FSIP2: variants seen among roughly 807,000 people sequenced by gnomAD.
FSIP2 encodes the protein fibrous sheath-interacting protein 2.
Under a neutral mutation model 510.5 loss-of-function variants are expected in FSIP2, and 367 were observed. The ratio of observed to expected loss-of-function variants is 0.72; its 90% CI spans 0.66 to 0.78. FSIP2 has a LOEUF of 0.78. Among genes scored for constraint, FSIP2 ranks in the 30% least tolerant of loss-of-function variants. FSIP2 has a pLI of 0.00. For missense variants in FSIP2, 7,594 were observed against 7,901.7 expected, an observed-to-expected ratio of 0.96 and a Z score of 1.48; for synonymous variants, 2,601 against 2,732.2, an observed-to-expected ratio of 0.95 and a Z score of 1.50.
chr2:185,769,140 G>T (rs1559017670), intron 13 of FSIP2, among the ~76,000 whole-genome samples: 1 of 152,018 alleles, frequency 6.6e-6, no homozygotes, highest in Admixed American at 6.6e-5. Context: ...GGTTCCTTTG[G>T]GTATATAGCC....
At chr2:185,738,744 GC>G, upstream of FSIP2, 1 of 1,536,024 alleles carries the variant, frequency 6.5e-7, no homozygotes, top group Non-Finnish European at 8.7e-7. Flanking sequence ...CCCTTCTGGG[GC>G]CGCTACCATT....
intron 12 of FSIP2, among the ~76,000 whole-genome samples, chr2:185,763,823 G>T (rs530313441): frequency 6.6e-6 from 1 of 151,618 alleles, no homozygotes; most frequent in South Asian, 2.1e-4. Context: ...AGAGTAGAAA[G>T]TGGCATCATT....
intron 2 of FSIP2, among the ~76,000 whole-genome samples, chr2:185,740,960 A>AT (rs397869719): frequency 1.3e-5 from 2 of 152,004 alleles, no homozygotes; most frequent in Non-Finnish European, 2.9e-5. Context: ...TCTGAAAAAA[A>AT]GTATAATTGC....
At position 185,790,763 on chromosome 2, in the gene FSIP2, C is replaced by T; in HGVS notation, c.3627C>T (p.His1209=). 37 of 1,532,088 alleles carry T rather than the reference C, an allele frequency of 2.4e-5. No individual in the cohort carries two copies. The highest frequency in any genetic ancestry group is 3.2e-5 in the Non-Finnish European group (37 of 1,144,220). The allele number at this position is 1,532,088 out of a possible 1,614,324, so 94.9% of individuals were successfully genotyped here. A position where few individuals can be genotyped will look rare whatever the true frequency, so the allele number is the denominator to read the frequency against. The part of the protein sequence containing the change: ...QISLHNSDTE[H]IVKEAPNKYP... ...CCTTACATAATTCTGACACTGAACACATAGTCAAAGAAGCACCAAATAAAT... is the reference window on the plus strand; with the variant it reads ...CCTTACATAATTCTGACACTGAACATATAGTCAAAGAAGCACCAAATAAAT... Residue 1209 remains histidine (H), a synonymous_variant, in exon 16 of 23, where the codon CAC becomes CAT. Coordinates refer to ENST00000424728, the MANE Select transcript of FSIP2 (RefSeq NM_173651.4).
At chr2:185,764,023 A>AT (rs1305807017) in intron 12 of FSIP2, among the ~76,000 whole-genome samples, 1 of 151,594 alleles carries the variant, frequency 6.6e-6, no homozygotes, top group African/African-American at 2.4e-5. Flanking sequence ...ATAAAAAAAA[A>AT]TTTTTTAACA....
chr2:185,779,646 AAGGTTTTAT>A (rs1308523435), intron 13 of FSIP2, among the ~76,000 whole-genome samples: 15 of 152,110 alleles, frequency 9.9e-5, no homozygotes, highest in Non-Finnish European at 1.8e-4. Context: ...TGACATTTTA[AAGGTTTTAT>A]CAGTCAAATT....
intron 15 of FSIP2, chr2:185,788,215 T>C (rs1693033787): frequency 6.5e-6 from 1 of 152,852 alleles, no homozygotes; most frequent in Admixed American, 6.6e-5. Flanking sequence ...TGGATCTGTC[T>C]TGAGAAATGT....
At chr2:185,757,888 T>C (rs1409507610) in intron 9 of FSIP2, among the ~76,000 whole-genome samples, 1 of 151,280 alleles carries the variant, frequency 6.6e-6, no homozygotes, top group Non-Finnish European at 1.5e-5. Context: ...ATCACAATCA[T>C]ATGTAGAACA....
intron 20 of FSIP2, among the ~76,000 whole-genome samples, chr2:185,827,911 T>C (rs1333549413): frequency 6.6e-6 from 1 of 151,844 alleles, no homozygotes; most frequent in Non-Finnish European, 1.5e-5. Flanking sequence ...TCCCACTATG[T>C]TACATTTCAT....
rs745998129 is a variant in FSIP2, at chr2:185,807,204, T to C, written c.17898T>C (p.Phe5966=). The C allele has an allele frequency of 6.2e-7, 1 of 1,602,876 alleles. No homozygotes were observed. The highest frequency in any genetic ancestry group is 1.7e-5 in the Admixed American group (1 of 57,372). The change falls in exon 17 of 23, where the codon TTT becomes TTC. Residue 5966 remains phenylalanine (F), a synonymous_variant. Coordinates refer to ENST00000424728, the MANE Select transcript of FSIP2 (RefSeq NM_173651.4). ...TCCAACGTCAGGTTAACTTGATATT[T>C]TGTGATGAGGTTTCAGTTTCAGCAT... ...EIFQRQVNLI[F]CDEVSVSACL...
rs1007559210 is a variant in FSIP2, at chr2:185,777,042, C to A, written c.1412-5663C>A. Among the ~76,000 whole-genome samples the A allele has an allele frequency of 2.6e-5, 4 of 152,106 alleles. No homozygotes were observed. The East Asian group carries it at 5.8e-4, about 22-fold the overall frequency. On this transcript the variant is annotated intron_variant, in intron 13 of 22. Transcript: ENST00000424728. ...CCTGGCCAGGATGCAAGATTCTAATCCACATGTTGGCCAGGCATATGGTCT... is the reference window on the plus strand; with the variant it reads ...CCTGGCCAGGATGCAAGATTCTAATACACATGTTGGCCAGGCATATGGTCT...
In FSIP2 at chr2:185,796,768, G is replaced by A. The variant is rs1464576019; in HGVS notation, c.9632G>A (p.Arg3211Lys). The A allele has an allele frequency of 2.0e-6, 3 of 1,535,080 alleles. No homozygotes were observed. In the Admixed American group the frequency reaches 5.9e-5, roughly 30 times the overall value. ...TCATCAGATTTACCCACCTCTGTCA[G>A]ATCCTCTGTAGAAGACACAGTTAAA... ...RVSSDLPTSV[R>K]SSVEDTVKNS... The change falls in exon 16 of 23, where the codon AGA becomes AAA. Residue 3211 changes from arginine to lysine, a missense_variant. By Grantham distance (26) the Arg-to-Lys change is conservative. Transcript: ENST00000424728.
chr2:185,743,811 G>A (rs72898020), intron 3 of FSIP2, among the ~76,000 whole-genome samples: 2,140 of 152,190 alleles, frequency 0.014, 30 homozygotes, highest in Non-Finnish European at 0.024. Context: ...CTCCTTTTAT[G>A]ATATAAGTAA....
At position 185,803,689 on chromosome 2, in the gene FSIP2, G is replaced by GA. The variant is rs1324641440; in HGVS notation, c.14389dup (p.Ile4797AsnfsTer23). The GA allele has an allele frequency of 2.0e-6, 3 of 1,531,744 alleles. No homozygotes were observed. The highest frequency in any genetic ancestry group is 1.4e-5 in the African/African-American group (1 of 72,720). The allele number at this position is 1,531,744 out of a possible 1,614,324, so 94.9% of individuals were successfully genotyped here. The stretch of plus-strand genomic sequence containing the variant: ...CACTATGTTATCACATAGTCATTTG[G>GA]AAAAAATAGTTACTCAGCTTACATC... On this transcript the variant is annotated frameshift_variant, in exon 17 of 23. Coordinates refer to ENST00000424728, the MANE Select transcript of FSIP2 (RefSeq NM_173651.4). LOFTEE classifies it high-confidence loss of function.
At position 185,797,508 on chromosome 2, in the gene FSIP2, A is replaced by C. The variant is rs1173645599; in HGVS notation, c.10372A>C (p.Lys3458Gln). ...HVTTSVVTYL[K>Q]NFETTVFSEE... is the part of the protein sequence containing the mutation. ...CACCACATCTGTGGTCACATATTTG[A>C]AGAACTTTGAAACTACAGGTAAGCA... The change falls in exon 16 of 23, where the codon AAG (lysine) becomes CAG (glutamine). Residue 3458 changes from lysine to glutamine, a missense_variant. By Grantham distance (53) the Lys-to-Gln change is moderately conservative. Transcript: ENST00000424728. 5 of 1,498,120 alleles carry C rather than the reference A, an allele frequency of 3.3e-6. No individual in the cohort carries two copies. In the African/African-American group the frequency reaches 7.1e-5, roughly 21 times the overall value. 92.8% of individuals were successfully genotyped at this position (1,498,120 alleles called of 1,614,324 possible).
chr2:185,753,940 T>C, intron 8 of FSIP2, 98 bp downstream of exon 8: 1 of 805,996 alleles, frequency 1.2e-6, no homozygotes, highest in Non-Finnish European at 1.8e-6. Context: ...CACTTGTTTC[T>C]CCCTTTGTGC....
intron 17 of FSIP2, among the ~76,000 whole-genome samples, chr2:185,812,754 A>AC (rs1286527841): frequency 6.6e-6 from 1 of 152,078 alleles, no homozygotes; most frequent in Non-Finnish European, 1.5e-5. Context: ...ATTTTTAAAA[A>AC]ATTTTAAAGA....
chr2:185,818,245 T>C (rs1036939476), intron 19 of FSIP2, among the ~76,000 whole-genome samples: 1 of 151,736 alleles, frequency 6.6e-6, no homozygotes, highest in Non-Finnish European at 1.5e-5. Flanking sequence ...ATCAGTGAAC[T>C]TGAATGCAAG....
rs1237733709 is a variant in FSIP2, at chr2:185,791,274, T to C, written c.4138T>C (p.Ser1380Pro). 1 of 1,534,104 alleles carries C rather than the reference T, an allele frequency of 6.5e-7. No homozygotes were observed. The highest frequency in any genetic ancestry group is 2.0e-5 in the Admixed American group (1 of 50,814). Residue 1380 changes from serine (S) to proline (P), a missense_variant, in exon 16 of 23, where the codon TCT becomes CCT. Transcript: ENST00000424728. ...NAHQRSISLS[S>P]RKPKSATDSV... is the part of the protein sequence containing the mutation. The stretch of plus-strand genomic sequence containing the variant: ...ACATCAAAGAAGCATTTCACTCTCT[T>C]CTCGTAAGCCAAAGTCTGCAACTGA...
Sources: gnomAD v4.1 joint callset for allele counts (sites outside exome capture counted in the v4.1 genomes callset) on GRCh38, gnomAD v4.1.1 for gene constraint, MANE v1.5 for transcripts, NCBI Gene and HGNC (gene_info 2026-07-23, HGNC 2026-07-21) for gene names.